The following DDX11 variants were observed in gnomAD, a reference collection of about 807,000 sequenced individuals.
DDX11 encodes the protein ATP-dependent DNA helicase DDX11.
A neutral mutation model predicts 125.2 loss-of-function variants in DDX11; 72 were observed. The ratio of observed to expected loss-of-function variants is 0.58; its 90% CI spans 0.48 to 0.70. The LOEUF is 0.70. Among genes scored for constraint, DDX11 ranks in the 30% least tolerant of loss-of-function variants. DDX11 has a pLI of 0.00. For missense variants in DDX11, 883 were observed against 1,165.0 expected, an observed-to-expected ratio of 0.76 and a Z score of 3.52; for synonymous variants, 347 against 452.6, an observed-to-expected ratio of 0.77 and a Z score of 2.96.
chr12:31,074,707 AC>A (rs1940450764), intron 1 of DDX11, among the ~76,000 whole-genome samples: 1 of 152,172 alleles, frequency 6.6e-6, no homozygotes, highest in Admixed American at 6.5e-5. Flanking sequence ...GCACCGCAGT[AC>A]TGCAGTGTGT....
chr12:31,080,498 G>T (rs994430315), intron 2 of DDX11, among the ~76,000 whole-genome samples: 1 of 152,098 alleles, frequency 6.6e-6, no homozygotes, highest in Non-Finnish European at 1.5e-5. Context: ...ATTTCAACCC[G>T]TCCCTTTGTT....
chr12:31,081,504 G>A (rs1221398534), intron 2 of DDX11, among the ~76,000 whole-genome samples: 3 of 151,870 alleles, frequency 2.0e-5, no homozygotes, highest in Non-Finnish European at 1.5e-5. Flanking sequence ...TGTGCCTTGT[G>A]TAATACTGCA....
chr12:31,090,695 C>A (rs1364951180), intron 9 of DDX11, among the ~76,000 whole-genome samples: 1 of 152,234 alleles, frequency 6.6e-6, no homozygotes, highest in Non-Finnish European at 1.5e-5. Flanking sequence ...CTTGCTACTT[C>A]TTTAATTTGA....
chr12:31,084,050 G>T lies in DDX11; in HGVS notation c.382G>T (p.Asp128Tyr), dbSNP rs376393578. 2.4e-5 allele frequency: 39 copies of T among 1,613,808 alleles called. No individual in the cohort carries two copies. The highest frequency in any genetic ancestry group is 3.1e-5 in the Non-Finnish European group (37 of 1,179,876). ...VQKKEERDLV[D>Y]RLKAEQARRK... Reference sequence around the variant, plus strand: ...GAAGAAAGAAGAGAGGGACCTGGTGGACCGACTAAAGGTGAGACCTGGGGT... The same window carrying T: ...GAAGAAAGAAGAGAGGGACCTGGTGTACCGACTAAAGGTGAGACCTGGGGT... The change falls in exon 3 of 27, where the codon GAC becomes TAC. Residue 128 changes from aspartate to tyrosine, a missense_variant. Coordinates refer to ENST00000542838, the MANE Select transcript of DDX11 (RefSeq NM_030653.4).
At chr12:31,100,609 C>G (rs903351800) in intron 18 of DDX11, 26 bp from the exon 19 acceptor site, 1 of 1,551,108 alleles carries the variant, frequency 6.4e-7, no homozygotes, top group Admixed American at 2.0e-5. Context: ...GTCATGGGGC[C>G]GTGACGCTGT....
At position 31,084,639 on chromosome 12, in the gene DDX11, G is replaced by A. The variant is rs144417806; in HGVS notation, c.450G>A (p.Arg150=). The change falls in exon 4 of 27, where the codon AGG becomes AGA. Residue 150 remains arginine, a synonymous_variant. Transcript: ENST00000542838. ...REERLQQLQH[R]VQLKYAAKRL... is the part of the protein sequence containing the mutation. The stretch of plus-strand genomic sequence containing the variant: ...AACGCCTGCAGCAGCTGCAGCACAG[G>A]GTGCAGCTCAAGTATGCAGCCAAGC... The A allele has an allele frequency of 6.4e-5, 102 of 1,593,548 alleles. No homozygotes were observed. The African/African-American group carries it at 1.1e-3, about 17-fold the overall frequency.
chr12:31,098,897 G>GGGT (rs1343481099), intron 18 of DDX11, among the ~76,000 whole-genome samples: 4 of 151,928 alleles, frequency 2.6e-5, no homozygotes, highest in Non-Finnish European at 4.4e-5. Context: ...GGATCACCAT[G>GGGT]GGTGTCCTTT....
Position 31,103,836 on chromosome 12 carries a change from A to G in DDX11, c.2721A>G (p.Ter907TrpextTer35), listed in dbSNP as rs144611065. The change falls in exon 27 of 27, where the codon TGA (stop) becomes TGG (tryptophan). Residue 907 changes from the stop codon to tryptophan (W), a stop_lost. Coordinates refer to ENST00000542838, the MANE Select transcript of DDX11 (RefSeq NM_030653.4). ...KFHREKSASS[*>W] ...ACCGGGAGAAGTCGGCCTCTTCCTG[A>G]TGGGCAACCACACCACTGCCTGGCG... is the stretch of plus-strand genomic sequence containing the variant. The G allele has an allele frequency of 5.6e-6, 9 of 1,613,456 alleles. No homozygotes were observed. In the African/African-American group the frequency reaches 1.2e-4, roughly 22 times the overall value.
intron 5 of DDX11, 34 bp from the exon 6 acceptor site, chr12:31,087,904 G>A (rs761167603): frequency 1.2e-6 from 2 of 1,602,112 alleles, no homozygotes; most frequent in East Asian, 2.3e-5. Context: ...TTTGCTGAGG[G>A]AAGACTGTTT....
At chr12:31,098,915 C>CT (rs1945819572) in intron 18 of DDX11, among the ~76,000 whole-genome samples, 1 of 152,030 alleles carries the variant, frequency 6.6e-6, no homozygotes, top group Non-Finnish European at 1.5e-5. Flanking sequence ...TTTCCCCACA[C>CT]TGGATTGATT....
intron 17 of DDX11, among the ~76,000 whole-genome samples, chr12:31,097,400 C>T (rs1412458765): frequency 1.3e-5 from 2 of 150,476 alleles, no homozygotes; most frequent in African/African-American, 4.9e-5. Flanking sequence ...AGAGGATAGG[C>T]CGGGCGCGGT....
chr12:31,085,406 A>G, intron 5 of DDX11, among the ~76,000 whole-genome samples: 1 of 152,218 alleles, frequency 6.6e-6, no homozygotes, highest in East Asian at 1.9e-4. Flanking sequence ...GCAGCCCCAC[A>G]AGGAGAGACT....
intron 10 of DDX11, 129 bp downstream of exon 10, chr12:31,092,000 G>A (rs1428737909): frequency 1.4e-5 from 18 of 1,314,102 alleles, no homozygotes; most frequent in South Asian, 1.3e-4. Context: ...GAGTCAAGGC[G>A]GTGACCTCAT....
Position 31,093,308 on chromosome 12 carries a change from C to T in DDX11, c.1353C>T (p.Phe451=), listed in dbSNP as rs150301253. The T allele has an allele frequency of 7.4e-5, 120 of 1,613,634 alleles. 1 individual carries two copies. In the South Asian group the frequency reaches 9.6e-4, roughly 13 times the overall value. The change falls in exon 12 of 27, where the codon TTC becomes TTT. Residue 451 remains phenylalanine, a synonymous_variant. Coordinates refer to ENST00000542838, the MANE Select transcript of DDX11 (RefSeq NM_030653.4). ...LKQILYLLEK[F]VAVLGGNIKQ... is the part of the protein sequence containing the mutation. ...AGATCCTGTATTTGCTGGAGAAATT[C>T]GTGGCTGTGCTAGGGGGTGAGAGCC...
chr12:31,089,405 C>T lies in DDX11; in HGVS notation c.795C>T (p.Asn265=). ...VRLVSLGSRQ[N]LCVNEDVKSL... ...TCTTTCTTTCTCCTTTGCTGCAGAA[C>T]CTTTGTGTAAATGAAGACGTGAAAA... Residue 265 remains asparagine (N), a splice_region_variant and synonymous_variant, in exon 8 of 27, where the codon AAC becomes AAT. Transcript: ENST00000542838. The T allele has an allele frequency of 1.2e-6, 2 of 1,613,958 alleles. No individual in the cohort carries two copies. The highest frequency in any genetic ancestry group is 1.3e-5 in the African/African-American group (1 of 75,032).
intron 8 of DDX11, 63 bp from the exon 9 acceptor site, chr12:31,089,823 C>T (rs1943879118): frequency 6.4e-7 from 1 of 1,567,362 alleles, no homozygotes; most frequent in Non-Finnish European, 8.6e-7. Flanking sequence ...ACAACCCCCT[C>T]TTGGGCCCGT....
chr12:31,087,793 T>C, intron 5 of DDX11, 145 bp from the exon 6 acceptor site: 1 of 1,426,268 alleles, frequency 7.0e-7, no homozygotes, highest in Non-Finnish European at 9.6e-7. Flanking sequence ...CCTGGGGGAG[T>C]TTCTGAGCGA....
intron 3 of DDX11, 83 bp downstream of exon 3, chr12:31,084,144 G>A: frequency 6.4e-7 from 1 of 1,562,358 alleles, no homozygotes; most frequent in Admixed American, 1.7e-5. Flanking sequence ...CGAGACTCAG[G>A]CAGTGCATGC....
At position 31,098,004 on chromosome 12, in the gene DDX11, ACACCTTTCC is replaced by A. The variant is rs1945622600; in HGVS notation, c.1875+10_1875+18del. On this transcript the variant is annotated splice_region_variant and intron_variant, in intron 18 of 26. Transcript: ENST00000542838. Reference sequence around the variant, plus strand: ...GGGGGGTACCATGCAGCCGGTAAGGACACCTTTCCCAGCCCCTCGTGCCCCAGGTGTTGG... The same window carrying A: ...GGGGGGTACCATGCAGCCGGTAAGGACAGCCCCTCGTGCCCCAGGTGTTGG... 1.2e-6 allele frequency: 2 copies of A among 1,611,508 alleles called. No homozygotes were observed. The highest frequency in any genetic ancestry group is 1.7e-6 in the Non-Finnish European group (2 of 1,177,986).
Sources: gnomAD v4.1 joint callset for allele counts (sites outside exome capture counted in the v4.1 genomes callset) on GRCh38, gnomAD v4.1.1 for gene constraint, MANE v1.5 for transcripts, NCBI Gene and HGNC (gene_info 2026-07-23, HGNC 2026-07-21) for gene names.